The following SOX6 variants were observed in gnomAD, a reference collection of about 807,000 sequenced individuals.
SOX6 encodes the protein transcription factor SOX-6.
In SOX6, 11 loss-of-function variants were observed where a neutral mutation model predicts 97.8. That is an observed-to-expected ratio of 0.11 (90% CI 0.07 to 0.19). The LOEUF (loss-of-function observed/expected upper bound fraction) is 0.19. Ranked by LOEUF, SOX6 falls within the 10% of genes least tolerant of loss-of-function variation. The probability of loss-of-function intolerance (pLI) is 1.00; values close to 1 mark genes in which losing one functional copy is unlikely to be tolerated. For missense variants in SOX6, 810 were observed against 1,039.5 expected, an observed-to-expected ratio of 0.78 and a Z score of 3.04; for synonymous variants, 360 against 371.4, an observed-to-expected ratio of 0.97 and a Z score of 0.35.
chr11:16,473,393 T>C (rs985950091), intron 1 of SOX6, among the ~76,000 whole-genome samples: 6 of 152,188 alleles, frequency 3.9e-5, no homozygotes, highest in African/African-American at 1.4e-4. Context: ...TATACCTCAA[T>C]TAAAAATACT....
At chr11:16,736,246 T>C (rs1848390635) in intron 2 of SOX6, 1 of 152,250 alleles carries the variant, frequency 6.6e-6, no homozygotes, top group Non-Finnish European at 1.5e-5. Flanking sequence ...CTCATGATAG[T>C]GTATCTTTGT....
chr11:16,609,391 G>A (rs183639605), intron 4 of SOX6, among the ~76,000 whole-genome samples: 44 of 152,334 alleles, frequency 2.9e-4, no homozygotes, highest in African/African-American at 9.9e-4. Context: ...GATCCTTACT[G>A]TATAGAAACT....
In SOX6 at chr11:16,130,276, C is replaced by T. The variant is rs77946762; in HGVS notation, c.778-18353G>A. 6.9e-3 allele frequency among the ~76,000 whole-genome samples: 1,055 copies of T among 151,840 alleles called. 10 individuals carry two copies. Among genetic ancestry groups the T allele is most frequent in the African/African-American group, 0.021 (886 of 41,456 alleles). ...TATGAAACATTATAAGGATAATGTA[C>T]AACATGAGGACTATAGTTAATATTG... On this transcript the variant is annotated intron_variant, in intron 6 of 15. Coordinates refer to ENST00000683767, the MANE Select transcript of SOX6 (RefSeq NM_001367873.1).
intron 3 of SOX6, among the ~76,000 whole-genome samples, chr11:16,686,122 G>A (rs1847967332): frequency 6.6e-6 from 1 of 152,256 alleles, no homozygotes; most frequent in Non-Finnish European, 1.5e-5. Context: ...CTGGGTCTGT[G>A]ATGGAAGGGG....
At chr11:16,720,693 T>C (rs1377160949) in intron 2 of SOX6, among the ~76,000 whole-genome samples, 3 of 139,862 alleles carry the variant, frequency 2.1e-5, no homozygotes, top group African/African-American at 7.6e-5. Flanking sequence ...TAAAGTATAA[T>C]AATAATAAAA....
chr11:16,665,628 G>A (rs1288540191), intron 3 of SOX6, among the ~76,000 whole-genome samples: 1 of 152,190 alleles, frequency 6.6e-6, no homozygotes, highest in Non-Finnish European at 1.5e-5. Context: ...TACCCTGAAG[G>A]GAAGGACACA....
chr11:16,498,932 T>A (rs911943536), intron 4 of SOX6, among the ~76,000 whole-genome samples: 7 of 152,134 alleles, frequency 4.6e-5, no homozygotes, highest in Admixed American at 6.5e-5. Context: ...CATCCAGGAA[T>A]TGAACTCAGC....
At chr11:16,117,573 A>T (rs888699553) in intron 6 of SOX6, among the ~76,000 whole-genome samples, 2 of 152,224 alleles carry the variant, frequency 1.3e-5, no homozygotes, top group African/African-American at 4.8e-5. Context: ...TGTGGAACAG[A>T]AATGGAAAGC....
intron 1 of SOX6, among the ~76,000 whole-genome samples, chr11:16,390,753 A>T (rs914430427): frequency 8.5e-5 from 13 of 152,170 alleles, no homozygotes; most frequent in African/African-American, 3.1e-4. Flanking sequence ...GGGAGTGTAA[A>T]TTAGTTCAAC....
In SOX6 at chr11:16,104,452, C is replaced by T. The variant is rs139615485; in HGVS notation, c.899-6764G>A. Among the ~76,000 whole-genome samples the T allele has an allele frequency of 6.2e-4, 94 of 151,958 alleles. No individual in the cohort carries two copies. In the East Asian group the frequency reaches 0.015, roughly 25 times the overall value. On this transcript the variant is annotated intron_variant, in intron 7 of 15. Transcript: ENST00000683767. ...AGAACTTCAGTCTGAATTCTATCTC[C>T]GCTATTTCAAGATGTGGAACTCTTG...
At chr11:16,733,567 G>A (rs769622380) in intron 2 of SOX6, among the ~76,000 whole-genome samples, 1 of 150,050 alleles carries the variant, frequency 6.7e-6, no homozygotes, top group Non-Finnish European at 1.5e-5. Context: ...ATCACATACC[G>A]GGGCCTGTTG....
At chr11:16,505,361 C>G (rs1327696609) in intron 4 of SOX6, among the ~76,000 whole-genome samples, 1 of 152,162 alleles carries the variant, frequency 6.6e-6, no homozygotes, top group Non-Finnish European at 1.5e-5. Flanking sequence ...CTTAGGGTAT[C>G]TGGCAGAAGA....
At chr11:16,218,819 C>CT (rs2134153885) in intron 4 of SOX6, among the ~76,000 whole-genome samples, 1 of 152,158 alleles carries the variant, frequency 6.6e-6, no homozygotes, top group Admixed American at 6.6e-5. Context: ...GGAGTTCCTC[C>CT]TTTCATTTAA....
chr11:16,191,361 T>C (rs1851626186), intron 4 of SOX6, among the ~76,000 whole-genome samples: 1 of 152,042 alleles, frequency 6.6e-6, no homozygotes, highest in Non-Finnish European at 1.5e-5. Context: ...CACAGAAGGC[T>C]GAGGCAGGAG....
chr11:16,484,863 T>C (rs1204591721), intron 4 of SOX6, among the ~76,000 whole-genome samples: 1 of 152,210 alleles, frequency 6.6e-6, no homozygotes, highest in Non-Finnish European at 1.5e-5. Flanking sequence ...TAGCTGATTA[T>C]ACAATCACCT....
At chr11:16,405,451 G>A (rs762031465) in intron 1 of SOX6, among the ~76,000 whole-genome samples, 21 of 152,026 alleles carry the variant, frequency 1.4e-4, no homozygotes, top group South Asian at 8.3e-4. Context: ...CCCCTTCTCC[G>A]AATACAGCTT....
chr11:16,322,698 A>T (rs1349442727), intron 2 of SOX6, among the ~76,000 whole-genome samples: 4 of 152,062 alleles, frequency 2.6e-5, no homozygotes, highest in African/African-American at 9.7e-5. Context: ...ATCCCATACC[A>T]CCTTCCACAA....
chr11:16,125,478 A>G (rs934131327), intron 6 of SOX6, among the ~76,000 whole-genome samples: 1 of 152,116 alleles, frequency 6.6e-6, no homozygotes, highest in Non-Finnish European at 1.5e-5. Flanking sequence ...CTGGTTAAAT[A>G]AAACTTGTCT....
intron 12 of SOX6, among the ~76,000 whole-genome samples, chr11:16,041,490 A>C (rs1855662294): frequency 6.6e-6 from 1 of 152,146 alleles, no homozygotes; most frequent in Non-Finnish European, 1.5e-5. Context: ...CTTTCAAAAA[A>C]TGAACAATGG....
Sources: gnomAD v4.1 joint callset for allele counts (sites outside exome capture counted in the v4.1 genomes callset) on GRCh38, gnomAD v4.1.1 for gene constraint, MANE v1.5 for transcripts, NCBI Gene and HGNC (gene_info 2026-07-23, HGNC 2026-07-21) for gene names.